SLC24A4: variants seen among roughly 807,000 people sequenced by gnomAD.
SLC24A4 encodes sodium/potassium/calcium exchanger 4.
SLC24A4 carries 53 observed loss-of-function variants against 79.0 expected under a neutral mutation model. The observed-to-expected ratio is 0.67, with a 90% CI of 0.54 to 0.84. The LOEUF (loss-of-function observed/expected upper bound fraction) is 0.84. SLC24A4 is among the 40% of genes least tolerant of loss of function. The pLI, the probability that SLC24A4 is intolerant of heterozygous loss-of-function variation, is 0.00. For missense variants in SLC24A4, 731 were observed against 822.0 expected, an observed-to-expected ratio of 0.89 and a Z score of 1.35; for synonymous variants, 323 against 323.8, an observed-to-expected ratio of 1.00 and a Z score of 0.03.
intron 2 of SLC24A4, among the ~76,000 whole-genome samples, chr14:92,383,037 C>T (rs947673434): frequency 8.6e-5 from 13 of 152,040 alleles, no homozygotes; most frequent in Admixed American, 2.0e-4. Context: ...TGGGCCAGGC[C>T]CCCACTGGCC....
chr14:92,454,200 C>G (rs564297788), intron 11 of SLC24A4, 131 bp downstream of exon 11: 13 of 918,448 alleles, frequency 1.4e-5, no homozygotes, highest in Admixed American at 6.7e-5. Flanking sequence ...CTCCAGAAGC[C>G]TGCCCATCAG....
chr14:92,349,360 A>G (rs546613478), intron 2 of SLC24A4, among the ~76,000 whole-genome samples: 5 of 152,164 alleles, frequency 3.3e-5, no homozygotes, highest in Non-Finnish European at 7.3e-5. Flanking sequence ...GGGTTTCGCC[A>G]TGTTCACCAG....
At chr14:92,367,050 C>A (rs1269027448) in intron 2 of SLC24A4, among the ~76,000 whole-genome samples, 1 of 152,148 alleles carries the variant, frequency 6.6e-6, no homozygotes, top group Non-Finnish European at 1.5e-5. Flanking sequence ...AGTGAGGGAG[C>A]AGGTGGACAC....
intron 2 of SLC24A4, among the ~76,000 whole-genome samples, chr14:92,346,806 C>T (rs529246115): frequency 6.6e-6 from 1 of 152,268 alleles, no homozygotes; most frequent in South Asian, 2.1e-4. Flanking sequence ...ACCTGGTCTG[C>T]AGTGGTTTTT....
At chr14:92,412,062 G>T (rs1210735872) in intron 2 of SLC24A4, among the ~76,000 whole-genome samples, 11 of 152,276 alleles carry the variant, frequency 7.2e-5, no homozygotes, top group Admixed American at 2.0e-4. Context: ...TCTCTTCCAT[G>T]CTGGCTTCCT....
rs1595361554 is a variant in SLC24A4 at position 92,486,587 on chromosome 14, G to A, written c.1423-79G>A. The A allele has an allele frequency of 8.2e-6, 7 of 856,408 alleles. No homozygotes were observed. The East Asian group carries it at 1.8e-4, about 22-fold the overall frequency. 53.1% of individuals were successfully genotyped at this position (856,408 alleles called of 1,614,324 possible). On this transcript the variant is annotated intron_variant, in intron 13 of 16. Coordinates refer to ENST00000532405, the MANE Select transcript of SLC24A4 (RefSeq NM_153646.4). Reference sequence around the variant, plus strand: ...AAAATAACTGTTTCCTACGCTTACAGTGTCTCTAATACTAGGAATATTTCT... The same window carrying A: ...AAAATAACTGTTTCCTACGCTTACAATGTCTCTAATACTAGGAATATTTCT...
In SLC24A4 at chr14:92,354,263, G is replaced by C. The variant is rs562795733; in HGVS notation, c.241+28285G>C. The stretch of plus-strand genomic sequence containing the variant: ...CCTCCCGGGTTCACGCCATTCTCCT[G>C]CCTTACCCACCCAAGTAGCTGGGAC... On this transcript the variant is annotated intron_variant, in intron 2 of 16. Coordinates refer to ENST00000532405, the MANE Select transcript of SLC24A4 (RefSeq NM_153646.4). Among the ~76,000 whole-genome samples, 50 of 151,516 alleles carry C rather than the reference G, an allele frequency of 3.3e-4. No individual in the cohort carries two copies. The South Asian group carries it at 9.6e-3, about 29-fold the overall frequency.
chr14:92,408,552 G>A (rs77916778), intron 2 of SLC24A4: 29,830 of 386,440 alleles, frequency 0.077, 1,386 homozygotes, highest in Middle Eastern at 0.12. Flanking sequence ...TGTGTGGCTT[G>A]GGGATGGGTT....
At chr14:92,368,841 C>T (rs1262045019) in intron 2 of SLC24A4, among the ~76,000 whole-genome samples, 2 of 152,066 alleles carry the variant, frequency 1.3e-5, no homozygotes, top group East Asian at 3.9e-4. Flanking sequence ...GAGGGTTTAC[C>T]CTGGAGAGAA....
intron 2 of SLC24A4, among the ~76,000 whole-genome samples, chr14:92,379,993 G>T (rs564051863): frequency 1.3e-5 from 2 of 152,296 alleles, no homozygotes; most frequent in East Asian, 3.9e-4. Flanking sequence ...GGGGTACTGG[G>T]GTAGTGTCCC....
intron 12 of SLC24A4, among the ~76,000 whole-genome samples, chr14:92,481,176 C>T (rs1349933078): frequency 2.0e-5 from 3 of 152,182 alleles, no homozygotes; most frequent in Non-Finnish European, 4.4e-5. Flanking sequence ...ACAGCAGTCT[C>T]GAGTCTTTCC....
chr14:92,491,770 G>T lies in SLC24A4; in HGVS notation c.1643G>T (p.Gly548Val). The T allele has an allele frequency of 6.2e-7, 1 of 1,610,424 alleles. No homozygotes were observed. Among genetic ancestry groups the T allele is most frequent in the East Asian group, 2.2e-5 (1 of 44,864 alleles). Reference protein sequence around the residue: ...WGLQTMVVNYGSTVKINSRGL... With the variant: ...WGLQTMVVNYVSTVKINSRGL... ...CTGCAGACCATGGTTGTTAATTATG[G>T]ATCAACAGTAAGTTCCTCTCACCTT... is the stretch of plus-strand genomic sequence containing the variant. The change falls in exon 15 of 17, where the codon GGA becomes GTA. Residue 548 changes from glycine to valine, a missense_variant. Coordinates refer to ENST00000532405, the MANE Select transcript of SLC24A4 (RefSeq NM_153646.4).
At chr14:92,334,883 ATCATCG>A (rs1234674150) in intron 2 of SLC24A4, among the ~76,000 whole-genome samples, 36 of 148,746 alleles carry the variant, frequency 2.4e-4, no homozygotes, top group Admixed American at 1.3e-4. Context: ...CATCATCATC[ATCATCG>A]TCATCATCAT....
At chr14:92,442,039 C>A (rs761239182) in intron 4 of SLC24A4, 50 bp from the exon 5 acceptor site, 2 of 1,457,552 alleles carry the variant, frequency 1.4e-6, no homozygotes, top group Non-Finnish European at 9.6e-7. Flanking sequence ...CCAGTGATGT[C>A]CAGTACCCCC....
At chr14:92,492,407 C>T (rs1263718004) in intron 16 of SLC24A4, among the ~76,000 whole-genome samples, 167 bp downstream of exon 16, 3 of 152,182 alleles carry the variant, frequency 2.0e-5, no homozygotes, top group Non-Finnish European at 4.4e-5. Context: ...CAGTCTTTGC[C>T]AAGAGCATTG....
At chr14:92,410,597 C>G (rs1333794397) in intron 2 of SLC24A4, among the ~76,000 whole-genome samples, 1 of 152,202 alleles carries the variant, frequency 6.6e-6, no homozygotes, top group Admixed American at 6.5e-5. Flanking sequence ...ACTGAGCCCT[C>G]ACTGTGTGCC....
At position 92,338,547 on chromosome 14, in the gene SLC24A4, C is replaced by T. The variant is rs146135774; in HGVS notation, c.241+12569C>T. On this transcript the variant is annotated intron_variant, in intron 2 of 16. Transcript: ENST00000532405. Reference sequence around the variant, plus strand: ...AAGAGAAAGACCATTCACACCACCCCGCCAACATACCAACTTGTATGACCC... The same window carrying T: ...AAGAGAAAGACCATTCACACCACCCTGCCAACATACCAACTTGTATGACCC... Among the ~76,000 whole-genome samples, 415 of 152,300 alleles carry T rather than the reference C, an allele frequency of 2.7e-3. 1 individual carries two copies. Among genetic ancestry groups the T allele is most frequent in the Non-Finnish European group, 4.2e-3 (289 of 68,022 alleles).
intron 12 of SLC24A4, among the ~76,000 whole-genome samples, chr14:92,466,998 T>C (rs1339743573): frequency 6.6e-6 from 1 of 152,178 alleles, no homozygotes; most frequent in Non-Finnish European, 1.5e-5. Context: ...CAAATATTGG[T>C]CAATGGTGAG....
At chr14:92,399,518 G>T (rs886179272) in intron 2 of SLC24A4, among the ~76,000 whole-genome samples, 1 of 152,184 alleles carries the variant, frequency 6.6e-6, no homozygotes, top group African/African-American at 2.4e-5. Context: ...GGAGAAATCC[G>T]TATTTCCTGG....
Sources: gnomAD v4.1 joint callset for allele counts (sites outside exome capture counted in the v4.1 genomes callset) on GRCh38, gnomAD v4.1.1 for gene constraint, MANE v1.5 for transcripts, NCBI Gene and HGNC (gene_info 2026-07-23, HGNC 2026-07-21) for gene names.